ZC3H18: variants seen among roughly 807,000 people sequenced by gnomAD.
ZC3H18 encodes the protein zinc finger CCCH domain-containing protein 18.
In ZC3H18, 8 loss-of-function variants were observed where a neutral mutation model predicts 106.1. The ratio of observed to expected loss-of-function variants is 0.08; its 90% confidence interval spans 0.04 to 0.14. ZC3H18 has a LOEUF of 0.14. Ranked by LOEUF, ZC3H18 falls within the 10% of genes least tolerant of loss-of-function variation. ZC3H18 has a pLI of 1.00. For missense variants in ZC3H18, 1,318 were observed against 1,278.4 expected (o/e 1.03, Z -0.47); for synonymous variants, 635 against 522.1 (o/e 1.22, Z -2.95).
At chr16:88,611,663 C>T in intron 8 of ZC3H18, 127 bp downstream of exon 8, 1 of 1,370,916 alleles carries the variant, frequency 7.3e-7, no homozygotes, top group Non-Finnish European at 9.7e-7. Context: ...CCAGTGCAGG[C>T]CCACAGCCCG....
Position 88,582,327 on chromosome 16 carries a change from C to T in ZC3H18, c.604-4273C>T, listed in dbSNP as rs563207709. ...GCAACCTCTGCCTCCCGGGTTCAAG[C>T]GATTCTCCTGCCTTAGCCTCCCGAT... On this transcript the variant is annotated intron_variant, in intron 2 of 17. Transcript: ENST00000301011. Among the ~76,000 whole-genome samples the T allele has an allele frequency of 4.3e-5, 6 of 140,218 alleles. No individual in the cohort carries two copies. The East Asian group carries it at 1.2e-3, about 27-fold the overall frequency. The allele number at this position is 140,218 out of a possible 152,430, so 92.0% of individuals were successfully genotyped here. A position where few individuals can be genotyped will look rare whatever the true frequency, so the allele number is the denominator to read the frequency against.
chr16:88,596,398 T>G (rs1257755684), intron 3 of ZC3H18, among the ~76,000 whole-genome samples: 2 of 151,972 alleles, frequency 1.3e-5, no homozygotes, highest in African/African-American at 2.4e-5. Flanking sequence ...TCCCAGCACT[T>G]TGGGAGGCCG....
At chr16:88,592,668 T>C (rs1192802282) in intron 3 of ZC3H18, among the ~76,000 whole-genome samples, 2 of 152,022 alleles carry the variant, frequency 1.3e-5, no homozygotes, top group African/African-American at 4.8e-5. Context: ...GTGGCTAAAT[T>C]TTGTGTTTCA....
intron 2 of ZC3H18, among the ~76,000 whole-genome samples, chr16:88,582,189 C>A (rs1915170876): frequency 6.8e-6 from 1 of 146,452 alleles, no homozygotes; most frequent in African/African-American, 2.5e-5. Flanking sequence ...ATATTTTCTC[C>A]TGTTTAAATC....
intron 2 of ZC3H18, among the ~76,000 whole-genome samples, chr16:88,580,558 T>C (rs1327118592): frequency 6.6e-6 from 1 of 152,108 alleles, no homozygotes; most frequent in Non-Finnish European, 1.5e-5. Context: ...TTTCCTCCTC[T>C]CAGGCCCAGT....
intron 3 of ZC3H18, among the ~76,000 whole-genome samples, chr16:88,589,297 C>T (rs1479778372): frequency 6.6e-6 from 1 of 152,238 alleles, no homozygotes; most frequent in South Asian, 2.1e-4. Flanking sequence ...TATGACCCAG[C>T]AGTTCCACTG....
intron 3 of ZC3H18, among the ~76,000 whole-genome samples, chr16:88,597,950 T>G (rs1250406545): frequency 6.6e-6 from 1 of 152,234 alleles, no homozygotes; most frequent in Non-Finnish European, 1.5e-5. Flanking sequence ...CTGACCGAGG[T>G]GCCTGGCAGC....
rs752266576 is a variant in ZC3H18 at position 88,577,635 on chromosome 16, T to A, written c.512T>A (p.Val171Asp). Residue 171 changes from valine (V) to aspartate (D), a missense_variant, in exon 2 of 18, where the codon GTT becomes GAT. Physicochemically the swap from Val to Asp is radical, Grantham distance 152. Coordinates refer to ENST00000301011, the MANE Select transcript of ZC3H18 (RefSeq NM_144604.4). ...CCCAGGGAGGAGGGGAAGGCTGGTG[T>A]TCAGAGTGTGGGAGAAAAGGAATCC... ...GTPREEGKAG[V>D]QSVGEKESLE... 1.2e-6 allele frequency: 2 copies of A among 1,613,810 alleles called. No homozygotes were observed. Among genetic ancestry groups the A allele is most frequent in the South Asian group, 2.2e-5 (2 of 91,080 alleles).
rs533520141 is a variant in ZC3H18 at position 88,576,560 on chromosome 16, C to A, written c.-14-550C>A. ...TGCTAAAGGGCAGCCAAGGGATTCT[C>A]GGAGGCCCTCAGAGGCTGGCCTTCG... is the stretch of plus-strand genomic sequence containing the variant. On this transcript the variant is annotated intron_variant, in intron 1 of 17. Transcript: ENST00000301011. Among the ~76,000 whole-genome samples the A allele has an allele frequency of 1.5e-3, 230 of 152,172 alleles. 1 individual carries two copies. The highest frequency in any genetic ancestry group is 2.6e-3 in the Non-Finnish European group (176 of 68,010).
intron 3 of ZC3H18, among the ~76,000 whole-genome samples, chr16:88,594,289 T>C (rs1047020919): frequency 2.8e-4 from 42 of 151,870 alleles, no homozygotes; most frequent in African/African-American, 9.4e-4. Flanking sequence ...TATCTTGTTA[T>C]TGTTAAATAA....
intron 1 of ZC3H18, chr16:88,571,619 ACATG>A: frequency 1.0e-6 from 1 of 985,390 alleles, no homozygotes. Flanking sequence ...TGTAGGTGGG[ACATG>A]CTGAAATATT....
intron 1 of ZC3H18, among the ~76,000 whole-genome samples, chr16:88,574,006 T>C (rs952686394): frequency 6.6e-6 from 1 of 151,818 alleles, no homozygotes; most frequent in African/African-American, 2.4e-5. Flanking sequence ...CCCGAGCAGC[T>C]GGGATTACAG....
intron 2 of ZC3H18, among the ~76,000 whole-genome samples, chr16:88,585,715 A>C (rs1456866142): frequency 2.0e-5 from 3 of 151,930 alleles, no homozygotes; most frequent in African/African-American, 4.8e-5. Context: ...TGAGGAGGGA[A>C]TGAGAGAGGT....
chr16:88,622,048 G>A, intron 8 of ZC3H18, 149 bp from the exon 9 acceptor site: 1 of 908,604 alleles, frequency 1.1e-6, no homozygotes, highest in Non-Finnish European at 1.6e-6. Flanking sequence ...TTTGTGAGTG[G>A]CCTTTTTTCC....
At chr16:88,601,680 C>T (rs1003843298) in intron 6 of ZC3H18, among the ~76,000 whole-genome samples, 1 of 152,152 alleles carries the variant, frequency 6.6e-6, no homozygotes, top group Non-Finnish European at 1.5e-5. Flanking sequence ...TCTCGGCAGT[C>T]AGGGCTGAAA....
chr16:88,590,564 C>CTT (rs57632461), intron 3 of ZC3H18, among the ~76,000 whole-genome samples: 19 of 100,652 alleles, frequency 1.9e-4, no homozygotes, highest in South Asian at 3.1e-4. Flanking sequence ...TTCTTTATTT[C>CTT]TTTTTTTTTT....
chr16:88,586,701 G>A lies in ZC3H18; in HGVS notation c.688+17G>A, dbSNP rs756189794. ...TCATGAAAGGTAATTGTCTGCGTGTGAGGCCTTCTCGCAGCCAGCTGGGGC... is the reference window on the plus strand; with the variant it reads ...TCATGAAAGGTAATTGTCTGCGTGTAAGGCCTTCTCGCAGCCAGCTGGGGC... On this transcript the variant is annotated intron_variant, in intron 3 of 17. Coordinates refer to ENST00000301011, the MANE Select transcript of ZC3H18 (RefSeq NM_144604.4). 4.3e-6 allele frequency: 7 copies of A among 1,611,732 alleles called. No individual in the cohort carries two copies. Among genetic ancestry groups the A allele is most frequent in the Non-Finnish European group, 5.1e-6 (6 of 1,178,036 alleles).
At chr16:88,581,009 A>C (rs1313980116) in intron 2 of ZC3H18, among the ~76,000 whole-genome samples, 1 of 152,136 alleles carries the variant, frequency 6.6e-6, no homozygotes, top group Non-Finnish European at 1.5e-5. Flanking sequence ...AGAGGGACTG[A>C]TTCGCCTAGA....
rs1315764605 is a variant in ZC3H18, at chr16:88,627,829, A to AG, written c.2269+50dup. The AG allele has an allele frequency of 2.5e-6, 4 of 1,609,938 alleles. No individual in the cohort carries two copies. The highest frequency in any genetic ancestry group is 1.7e-5 in the Admixed American group (1 of 59,932). On this transcript the variant is annotated intron_variant, in intron 14 of 17. Transcript: ENST00000301011. This position sits in a 1 kb window ranked among gnomAD's most constrained non-coding sequence, Gnocchi z 4.5. ...TTTGGGGAGCAGCTCCCGGGGGAGGAGGGCGGCATCAGCACAGACTTTGCC... is the reference window on the plus strand; with the variant it reads ...TTTGGGGAGCAGCTCCCGGGGGAGGAGGGGCGGCATCAGCACAGACTTTGCC...
Sources: allele counts gnomAD v4.1 joint callset (sites outside exome capture counted in the v4.1 genomes callset), GRCh38; gene constraint gnomAD v4.1.1; non-coding constraint Gnocchi (gnomAD v3.1); transcripts MANE v1.5; gene names NCBI Gene and HGNC (gene_info 2026-07-23, HGNC 2026-07-21).